AKAP6: variants seen among roughly 807,000 people sequenced by gnomAD.
The protein encoded by AKAP6 is A-kinase anchor protein 6.
Under a neutral mutation model 188.5 loss-of-function variants are expected in AKAP6, and 58 were observed. The observed-to-expected ratio is 0.31, with a 90% CI of 0.25 to 0.38. The LOEUF is 0.38. AKAP6 is among the 10% of genes least tolerant of loss of function. The pLI is 1.00. For missense variants in AKAP6, 2,710 were observed against 2,740.0 expected, an observed-to-expected ratio of 0.99 and a Z score of 0.24; for synonymous variants, 989 against 998.6, an observed-to-expected ratio of 0.99 and a Z score of 0.18.
chr14:32,608,994 A>G (rs899335324), intron 7 of AKAP6, among the ~76,000 whole-genome samples: 2 of 152,268 alleles, frequency 1.3e-5, no homozygotes, highest in South Asian at 4.1e-4. Flanking sequence ...AGTGTGAAAC[A>G]ATTACCTCAG....
intron 1 of AKAP6, among the ~76,000 whole-genome samples, chr14:32,334,633 G>A (rs1227225740): frequency 6.6e-6 from 1 of 152,116 alleles, no homozygotes; most frequent in Non-Finnish European, 1.5e-5. Context: ...GTAGGGTTTG[G>A]TGCTATCCAT....
intron 1 of AKAP6, among the ~76,000 whole-genome samples, chr14:32,377,060 C>T (rs1227718073): frequency 6.6e-6 from 1 of 152,124 alleles, no homozygotes; most frequent in African/African-American, 2.4e-5. Flanking sequence ...TTGAGGAAGG[C>T]AACATTTTGG....
chr14:32,709,632 A>G (rs796891524), intron 9 of AKAP6, among the ~76,000 whole-genome samples: 9 of 152,202 alleles, frequency 5.9e-5, no homozygotes, highest in African/African-American at 2.2e-4. Context: ...TCCATTCCAT[A>G]TAGGAGAGAA....
chr14:32,788,615 C>CA (rs1345360923), intron 12 of AKAP6, among the ~76,000 whole-genome samples: 1 of 152,052 alleles, frequency 6.6e-6, no homozygotes, highest in African/African-American at 2.4e-5. Flanking sequence ...CGTGCAACCC[C>CA]CCCCAGGAAA....
At chr14:32,663,365 C>A (rs576086450) in intron 7 of AKAP6, among the ~76,000 whole-genome samples, 1 of 152,162 alleles carries the variant, frequency 6.6e-6, no homozygotes, top group South Asian at 2.1e-4. Flanking sequence ...TCTTTCAGTA[C>A]ATACTTATTG....
intron 2 of AKAP6, among the ~76,000 whole-genome samples, chr14:32,463,222 C>T (rs2138830962): frequency 6.6e-6 from 1 of 152,154 alleles, no homozygotes; most frequent in South Asian, 2.1e-4. Context: ...ATATTCAGGG[C>T]TTGAACTCAG....
chr14:32,722,484 G>C (rs1280838237), intron 9 of AKAP6, among the ~76,000 whole-genome samples: 5 of 152,120 alleles, frequency 3.3e-5, no homozygotes, highest in African/African-American at 9.7e-5. Flanking sequence ...CCCTAAATGA[G>C]AACATGCATT....
intron 1 of AKAP6, chr14:32,384,978 T>C (rs1230570511): frequency 6.6e-6 from 1 of 152,098 alleles, no homozygotes; most frequent in Non-Finnish European, 1.5e-5. Context: ...GTTTTATGAA[T>C]ATTCCATGCT....
At chr14:32,404,945 G>C (rs1190511944) in intron 1 of AKAP6, among the ~76,000 whole-genome samples, 1 of 151,148 alleles carries the variant, frequency 6.6e-6, no homozygotes, top group Non-Finnish European at 1.5e-5. Context: ...GAGGGTGGAA[G>C]AGAGAAGAGA....
intron 12 of AKAP6, among the ~76,000 whole-genome samples, chr14:32,795,137 A>T (rs2033728279): frequency 1.3e-5 from 2 of 152,204 alleles, no homozygotes; most frequent in Admixed American, 1.3e-4. Context: ...TTGAGGCAGT[A>T]ATAAATAGCC....
At chr14:32,458,794 G>A (rs969092481) in intron 2 of AKAP6, among the ~76,000 whole-genome samples, 3 of 152,050 alleles carry the variant, frequency 2.0e-5, no homozygotes, top group African/African-American at 7.2e-5. Flanking sequence ...TGAAGAGAAG[G>A]AAGATTTTAA....
intron 9 of AKAP6, among the ~76,000 whole-genome samples, chr14:32,713,592 G>C (rs2030012131): frequency 6.6e-6 from 1 of 152,044 alleles, no homozygotes; most frequent in Non-Finnish European, 1.5e-5. Flanking sequence ...AGCACTTGCT[G>C]CTTCACCTTG....
intron 13 of AKAP6, 50 bp downstream of exon 13, chr14:32,824,865 T>G (rs2034636284): frequency 6.9e-7 from 1 of 1,446,712 alleles, no homozygotes; most frequent in Non-Finnish European, 9.3e-7. Context: ...TGAGTTCAGG[T>G]CAGCAAAACC....
intron 9 of AKAP6, among the ~76,000 whole-genome samples, chr14:32,707,868 C>A (rs1002262989): frequency 6.6e-6 from 1 of 151,840 alleles, no homozygotes; most frequent in African/African-American, 2.4e-5. Context: ...TTCCTAATAC[C>A]AAGAGTACTC....
At chr14:32,329,873 A>G (rs1886475345) in intron 1 of AKAP6, among the ~76,000 whole-genome samples, 1 of 152,106 alleles carries the variant, frequency 6.6e-6, no homozygotes, top group South Asian at 2.1e-4. Context: ...CTTCATGGCA[A>G]GGAACAAATG....
Position 32,821,470 on chromosome 14 carries a change from G to C in AKAP6, c.3657G>C (p.Trp1219Cys). 3 of 1,613,634 alleles carry C rather than the reference G, an allele frequency of 1.9e-6. No homozygotes were observed. The highest frequency in any genetic ancestry group is 2.5e-6 in the Non-Finnish European group (3 of 1,179,748). ...LNGMSEDALEWDEMDISNKLI... is the reference protein window; with the variant it reads ...LNGMSEDALECDEMDISNKLI... Reference sequence around the variant, plus strand: ...GGATGAGTGAGGATGCCCTGGAATGGGATGAAATGGACATAAGTAACAAGT... The same window carrying C: ...GGATGAGTGAGGATGCCCTGGAATGCGATGAAATGGACATAAGTAACAAGT... Residue 1219 changes from tryptophan (W) to cysteine (C), a missense_variant, in exon 13 of 14, where the codon TGG becomes TGC. Trp to Cys is a radical substitution (Grantham distance 215). Around this residue, in one of 2 missense-constraint regions of AKAP6, gnomAD observed 2,473 missense variants for 2,426.1 expected, o/e 1.02. Coordinates refer to ENST00000280979, the MANE Select transcript of AKAP6 (RefSeq NM_004274.5).
chr14:32,543,859 G>A (rs1400330881), intron 3 of AKAP6, among the ~76,000 whole-genome samples: 1 of 152,132 alleles, frequency 6.6e-6, no homozygotes, highest in Non-Finnish European at 1.5e-5. Flanking sequence ...GACGGCAGAA[G>A]AAAATTTTAA....
intron 9 of AKAP6, among the ~76,000 whole-genome samples, chr14:32,728,200 ATTTTTTTTTTTT>A (rs3033287): frequency 1.4e-3 from 102 of 71,066 alleles, no homozygotes; most frequent in African/African-American, 4.0e-3. Flanking sequence ...ACATCCCTGG[ATTTTTTTTTTTT>A]TTTTTTTTTT....
intron 8 of AKAP6, 77 bp from the exon 9 acceptor site, chr14:32,695,913 A>G: frequency 3.4e-6 from 5 of 1,475,110 alleles, no homozygotes; most frequent in Non-Finnish European, 3.6e-6. Context: ...TGGGTTTTCA[A>G]GAATATATTA....
Sources: gnomAD v4.1 joint callset for allele counts (sites outside exome capture counted in the v4.1 genomes callset) on GRCh38, gnomAD v4.1.1 for gene constraint, gnomAD v4.1.1 regional missense constraint, MANE v1.5 for transcripts, NCBI Gene and HGNC (gene_info 2026-07-23, HGNC 2026-07-21) for gene names.